RUNX1: variants seen among roughly 807,000 people sequenced by gnomAD.
The protein encoded by RUNX1 is runt-related transcription factor 1.
In RUNX1, 19 loss-of-function variants were observed where a neutral mutation model predicts 42.8. The observed-to-expected ratio is 0.44, with a 90% CI of 0.31 to 0.65. The LOEUF is 0.65. RUNX1 is among the 30% of genes least tolerant of loss of function. The probability of loss-of-function intolerance (pLI) is 0.07; values close to 1 mark genes in which losing one functional copy is unlikely to be tolerated. For missense variants in RUNX1, 528 were observed against 672.0 expected (o/e 0.79, Z 2.37); for synonymous variants, 271 against 289.4 (o/e 0.94, Z 0.64).
chr21:34,932,450 C>T (rs1049435914), intron 2 of RUNX1, among the ~76,000 whole-genome samples: 2 of 152,166 alleles, frequency 1.3e-5, no homozygotes, highest in African/African-American at 4.8e-5. Flanking sequence ...GTTGTGGGTT[C>T]TCCCCTCTAA....
rs899709471 is a variant in RUNX1 at position 34,918,504 on chromosome 21, G to A, written c.59-25541C>T. On this transcript the variant is annotated intron_variant, in intron 2 of 8. Transcript: ENST00000675419. ...TTAAAATTTGCTTATCTTATATATT[G>A]TGCTGCCATGGATGCCCTTGATTTT... is the stretch of plus-strand genomic sequence containing the variant. 1.4e-4 allele frequency among the ~76,000 whole-genome samples: 21 copies of A among 152,306 alleles called. 1 individual carries two copies. The South Asian group carries it at 2.9e-3, about 21-fold the overall frequency.
At chr21:34,909,043 C>A (rs1205445787) in intron 2 of RUNX1, among the ~76,000 whole-genome samples, 2 of 152,044 alleles carry the variant, frequency 1.3e-5, no homozygotes, top group South Asian at 4.1e-4. Context: ...ATAATTTATG[C>A]CTTTTAGTTT....
At position 34,791,209 on chromosome 21, in the gene RUNX1, T is replaced by G. The variant is rs893518637; in HGVS notation, c.*926A>C. ...CTTCTGGATAACCAAGCGATCACAT[T>G]ACTCATTCTTTTTTTCTAGCCTTCT... On this transcript the variant is annotated 3_prime_UTR_variant, in exon 9 of 9. Transcript: ENST00000675419. 20 of 233,410 alleles carry G rather than the reference T, an allele frequency of 8.6e-5. No individual in the cohort carries two copies. In the Admixed American group the frequency reaches 1.1e-3, roughly 13 times the overall value. The allele number at this position is 233,410 out of a possible 1,614,324, so 14.5% of individuals were successfully genotyped here. A position where few individuals can be genotyped will look rare whatever the true frequency, so the allele number is the denominator to read the frequency against.
chr21:34,957,888 G>A (rs2058655990), intron 2 of RUNX1, among the ~76,000 whole-genome samples: 1 of 152,154 alleles, frequency 6.6e-6, no homozygotes, highest in South Asian at 2.1e-4. Flanking sequence ...CATCTGAGGG[G>A]TATGGGGCAG....
chr21:34,792,300 C>A lies in RUNX1; in HGVS notation c.1278G>T (p.Pro426=), dbSNP rs1263322321. 1 of 1,534,400 alleles carries A rather than the reference C, an allele frequency of 6.5e-7. No homozygotes were observed. The highest frequency in any genetic ancestry group is 8.8e-7 in the Non-Finnish European group (1 of 1,141,222). Residue 426 remains proline, a synonymous_variant, in exon 9 of 9, where the codon CCG becomes CCT. Coordinates refer to ENST00000675419, the MANE Select transcript of RUNX1 (RefSeq NM_001754.5). The surrounding 1 kb of genome is among the most constrained non-coding windows in gnomAD (Gnocchi z 6.9). ...FSMVGGERSP[P]RILPPCTNAS... is the part of the protein sequence containing the mutation. Reference sequence around the variant, plus strand: ...CGTTGGTGCAGGGCGGCAGGATGCGCGGCGGCGAGCGCTCGCCGCCCACCA... The same window carrying A: ...CGTTGGTGCAGGGCGGCAGGATGCGAGGCGGCGAGCGCTCGCCGCCCACCA...
Position 34,792,439 on chromosome 21 carries a change from T to C in RUNX1, c.1139A>G (p.Tyr380Cys), listed in dbSNP as rs2145876304. 1 of 1,573,540 alleles carries C rather than the reference T, an allele frequency of 6.4e-7. No homozygotes were observed. Among genetic ancestry groups the C allele is most frequent in the Non-Finnish European group, 8.6e-7 (1 of 1,159,976 alleles). Residue 380 changes from tyrosine to cysteine, a missense_variant, in exon 9 of 9, where the codon TAC becomes TGC. This residue lies in a region of RUNX1 where 331 missense variants were observed against 382.5 expected (regional missense o/e 0.87). Transcript: ENST00000675419. The surrounding 1 kb of genome is among the most constrained non-coding windows in gnomAD (Gnocchi z 6.9). ...CGAGCCGGGGTAGGGCGGCGGCAGG[T>C]AGGTGTGGTAGCGCGTGGCCGAGCC... ...AMGSATRYHT[Y>C]LPPPYPGSSQ... is the part of the protein sequence containing the mutation.
chr21:34,857,650 C>G (rs1023534586), intron 6 of RUNX1, among the ~76,000 whole-genome samples: 7 of 152,220 alleles, frequency 4.6e-5, no homozygotes, highest in Non-Finnish European at 1.0e-4. Context: ...TAGTCACCCT[C>G]AAAGTCGATT....
intron 2 of RUNX1, among the ~76,000 whole-genome samples, chr21:34,992,833 G>C (rs1325236993): frequency 2.0e-5 from 3 of 152,222 alleles, no homozygotes; most frequent in African/African-American, 7.2e-5. Flanking sequence ...GCCTGGCAGG[G>C]CTTTGCAATG....
At chr21:34,940,694 C>T in intron 2 of RUNX1, among the ~76,000 whole-genome samples, 1 of 152,204 alleles carries the variant, frequency 6.6e-6, no homozygotes, top group East Asian at 1.9e-4. Flanking sequence ...AGTCTCTCCC[C>T]TAACCAGTTC....
intron 2 of RUNX1, among the ~76,000 whole-genome samples, chr21:34,936,938 A>G (rs912157773): frequency 1.3e-5 from 2 of 152,138 alleles, no homozygotes; most frequent in Non-Finnish European, 2.9e-5. Flanking sequence ...AAAACTGAAA[A>G]TGATTCTCTA....
intron 6 of RUNX1, among the ~76,000 whole-genome samples, chr21:34,847,444 C>T (rs1170507433): frequency 6.6e-6 from 1 of 151,456 alleles, no homozygotes; most frequent in Non-Finnish European, 1.5e-5. Flanking sequence ...TATTTAAAAT[C>T]CCTAAGATTT....
At chr21:34,866,168 G>C (rs890664680) in intron 5 of RUNX1, among the ~76,000 whole-genome samples, 1 of 152,206 alleles carries the variant, frequency 6.6e-6, no homozygotes, top group Non-Finnish European at 1.5e-5. Context: ...GAAGGCTGCA[G>C]ACACAAAGGA....
At position 34,826,434 on chromosome 21, in the gene RUNX1, CTTTTTTTT is replaced by C. The variant is rs772880673; in HGVS notation, c.805+7968_805+7975del. ...TAAATTTCTTTTGTTTTCTTTCTTT[CTTTTTTTT>C]TTTTTTTTTTTTTGAGACAGAATCT... On this transcript the variant is annotated intron_variant, in intron 7 of 8. Transcript: ENST00000675419. Among the ~76,000 whole-genome samples the C allele has an allele frequency of 4.7e-5, 5 of 105,366 alleles. No homozygotes were observed. The Admixed American group carries it at 5.1e-4, about 11-fold the overall frequency. 69.1% of individuals were successfully genotyped at this position (105,366 alleles called of 152,430 possible). A position where few individuals can be genotyped will look rare whatever the true frequency, so the allele number is the denominator to read the frequency against.
chr21:34,930,293 A>ATATATAT (rs1569110404), intron 2 of RUNX1, among the ~76,000 whole-genome samples: 1 of 125,514 alleles, frequency 8.0e-6, no homozygotes, highest in African/African-American at 3.8e-5. Context: ...TATATATATA[A>ATATATAT]ATAAATAAAT....
intron 2 of RUNX1, among the ~76,000 whole-genome samples, chr21:34,991,468 G>A (rs572696896): frequency 5.9e-5 from 9 of 152,258 alleles, no homozygotes; most frequent in African/African-American, 2.2e-4. Context: ...TAGCAGCTAC[G>A]GGCACTTGGC....
intron 2 of RUNX1, among the ~76,000 whole-genome samples, chr21:35,002,072 C>T (rs2059048303): frequency 6.6e-6 from 1 of 152,056 alleles, no homozygotes; most frequent in Non-Finnish European, 1.5e-5. Flanking sequence ...CCAAAGCAAA[C>T]TAAAGATTCA....
At chr21:34,832,742 T>G (rs959957675) in intron 7 of RUNX1, among the ~76,000 whole-genome samples, 3 of 152,066 alleles carry the variant, frequency 2.0e-5, no homozygotes, top group African/African-American at 7.3e-5. Flanking sequence ...CATATACGCT[T>G]GTATTTTGGA....
intron 7 of RUNX1, chr21:34,821,789 C>G: frequency 1.9e-6 from 2 of 1,077,876 alleles, no homozygotes; most frequent in Non-Finnish European, 2.6e-6. Context: ...TACCCCAAGG[C>G]GTGAAAGAAT....
chr21:34,988,408 GC>G (rs1187459609), intron 2 of RUNX1, among the ~76,000 whole-genome samples: 2 of 152,198 alleles, frequency 1.3e-5, no homozygotes, highest in African/African-American at 2.4e-5. Context: ...AAGGACCAGG[GC>G]GGTGCAGATC....
Sources: allele counts gnomAD v4.1 joint callset (sites outside exome capture counted in the v4.1 genomes callset), GRCh38; gene constraint gnomAD v4.1.1; regional missense constraint gnomAD v4.1.1; non-coding constraint Gnocchi (gnomAD v3.1); transcripts MANE v1.5; gene names NCBI Gene and HGNC (gene_info 2026-07-23, HGNC 2026-07-21).